Variants in CAMTA1 observed in about 807,000 individuals in gnomAD.
CAMTA1 encodes the protein calmodulin-binding transcription activator 1.
In CAMTA1, 27 loss-of-function variants were observed where a neutral mutation model predicts 170.9. That is an observed-to-expected ratio of 0.16 (90% CI 0.12 to 0.22). CAMTA1 has a LOEUF of 0.22. CAMTA1 is among the 10% of genes least tolerant of loss of function. CAMTA1 has a pLI of 1.00. For synonymous variants in CAMTA1, 833 were observed against 891.5 expected, an observed-to-expected ratio of 0.93 and a Z score of 1.17; for missense variants, 1,619 against 2,217.2, an observed-to-expected ratio of 0.73 and a Z score of 5.42.
At chr1:7,753,609 T>C (rs1021427312) in intron 21 of CAMTA1, among the ~76,000 whole-genome samples, 8 of 152,176 alleles carry the variant, frequency 5.3e-5, no homozygotes, top group African/African-American at 1.9e-4. Flanking sequence ...ACTTAATAGG[T>C]TTAATGGGTT....
intron 19 of CAMTA1, among the ~76,000 whole-genome samples, chr1:7,750,112 A>G (rs539922216): frequency 6.6e-6 from 1 of 152,162 alleles, no homozygotes; most frequent in Non-Finnish European, 1.5e-5. Flanking sequence ...CTGAGTGTGT[A>G]GTGTGCACAG....
chr1:7,454,577 C>A (rs1239537622), intron 5 of CAMTA1, among the ~76,000 whole-genome samples: 1 of 152,168 alleles, frequency 6.6e-6, no homozygotes, highest in Non-Finnish European at 1.5e-5. Context: ...CCACCAGGCA[C>A]CCCAGGCCCA....
At chr1:7,166,624 T>C (rs1308578637) in intron 4 of CAMTA1, among the ~76,000 whole-genome samples, 1 of 152,222 alleles carries the variant, frequency 6.6e-6, no homozygotes, top group African/African-American at 2.4e-5. Flanking sequence ...AATTGCCCAT[T>C]CTTTTCCTTG....
In CAMTA1 at chr1:7,007,279, T is replaced by C. The variant is rs1347765360; in HGVS notation, c.235-84025T>C. 1.3e-5 allele frequency among the ~76,000 whole-genome samples: 2 copies of C among 152,220 alleles called. No individual in the cohort carries two copies. The highest frequency in any genetic ancestry group is 2.1e-4 in the South Asian group (1 of 4,816). On this transcript the variant is annotated intron_variant, in intron 3 of 22. Transcript: ENST00000303635. This position sits in a 1 kb window ranked among gnomAD's most constrained non-coding sequence, Gnocchi z 4.5. The stretch of plus-strand genomic sequence containing the variant: ...AGCTTGGAGCGTGGAAGCACACATA[T>C]AATCATCACTTAACTAAAGCTGAGG...
chr1:6,833,641 A>G (rs901255396), intron 3 of CAMTA1, among the ~76,000 whole-genome samples: 2 of 152,220 alleles, frequency 1.3e-5, no homozygotes, highest in African/African-American at 4.8e-5. Context: ...TAAGTCTGTC[A>G]TTAAGCCTTG....
intron 3 of CAMTA1, among the ~76,000 whole-genome samples, chr1:6,929,359 TG>T (rs1352591610): frequency 2.0e-3 from 297 of 149,648 alleles, no homozygotes; most frequent in African/African-American, 6.5e-3. Context: ...TTTTTTTTTT[TG>T]TTTGTTTGTT....
intron 3 of CAMTA1, among the ~76,000 whole-genome samples, chr1:7,058,117 G>T (rs1162219429): frequency 6.6e-6 from 1 of 152,126 alleles, no homozygotes; most frequent in Non-Finnish European, 1.5e-5. Flanking sequence ...GATGGCTATG[G>T]CCCTGCCAGA....
intron 3 of CAMTA1, among the ~76,000 whole-genome samples, chr1:7,002,170 C>T (rs1050408604): frequency 5.3e-5 from 8 of 152,136 alleles, no homozygotes; most frequent in African/African-American, 1.9e-4. Context: ...GCTGAGATTA[C>T]AAGTGTTAGC....
At chr1:7,490,491 A>T (rs545148000) in intron 6 of CAMTA1, among the ~76,000 whole-genome samples, 344 of 152,310 alleles carry the variant, frequency 2.3e-3, no homozygotes, top group African/African-American at 8.0e-3. Flanking sequence ...GTCTCTACTA[A>T]AAATACAAAA....
chr1:7,086,101 C>T (rs1558075459), intron 3 of CAMTA1, among the ~76,000 whole-genome samples: 1 of 152,148 alleles, frequency 6.6e-6, no homozygotes, highest in East Asian at 1.9e-4. Flanking sequence ...AGCACATAGA[C>T]GCCATACCTT....
At chr1:6,945,643 GC>G (rs1687445205) in intron 3 of CAMTA1, among the ~76,000 whole-genome samples, 1 of 152,172 alleles carries the variant, frequency 6.6e-6, no homozygotes, top group African/African-American at 2.4e-5. Context: ...ACTGTACCCA[GC>G]CACCCTATGC....
rs572382557 is a variant in CAMTA1, at chr1:7,555,766, A to G, written c.511-84634A>G. On this transcript the variant is annotated intron_variant, in intron 6 of 22. Coordinates refer to ENST00000303635, the MANE Select transcript of CAMTA1 (RefSeq NM_015215.4). ...CCAAGCTCAAGCCCAGGAGTCATTC[A>G]TTCACCTCCTCTGTCACATTCCACC... is the stretch of plus-strand genomic sequence containing the variant. 8.9e-5 allele frequency among the ~76,000 whole-genome samples: 8 copies of G among 90,116 alleles called. 1 individual carries two copies. The Middle Eastern group carries it at 0.034, about 386-fold the overall frequency. The allele number at this position is 90,116 out of a possible 152,430, so 59.1% of individuals were successfully genotyped here. A position where few individuals can be genotyped will look rare whatever the true frequency, so the allele number is the denominator to read the frequency against.
chr1:7,333,496 G>A lies in CAMTA1; in HGVS notation c.438+83870G>A, dbSNP rs2083161131. ...TTGCACTGGGAGATTTCCCGGCAGA[G>A]GTCCTACATTTCGGCAGTGAGAAAT... On this transcript the variant is annotated intron_variant, in intron 5 of 22. Transcript: ENST00000303635. This position sits in a 1 kb window ranked among gnomAD's most constrained non-coding sequence, Gnocchi z 4.4. Among the ~76,000 whole-genome samples the A allele has an allele frequency of 6.6e-6, 1 of 152,204 alleles. No individual in the cohort carries two copies.
chr1:6,993,944 A>T (rs1252170413), intron 3 of CAMTA1, among the ~76,000 whole-genome samples: 1 of 152,136 alleles, frequency 6.6e-6, no homozygotes, highest in Non-Finnish European at 1.5e-5. Flanking sequence ...AATTGAATGT[A>T]TTAAAAATAA....
rs1219513751 is a variant in CAMTA1, at chr1:7,044,742, T to C, written c.235-46562T>C. Among the ~76,000 whole-genome samples the C allele has an allele frequency of 6.6e-6, 1 of 152,050 alleles. No homozygotes were observed. Among genetic ancestry groups the C allele is most frequent in the East Asian group, 1.9e-4 (1 of 5,182 alleles). ...TCTTCCCTTGCTTTGGGGAGGGAAC[T>C]TACCCTGCGTGCAGTCCTCCTGCCC... On this transcript the variant is annotated intron_variant, in intron 3 of 22. Coordinates refer to ENST00000303635, the MANE Select transcript of CAMTA1 (RefSeq NM_015215.4). This position sits in a 1 kb window ranked among gnomAD's most constrained non-coding sequence, Gnocchi z 5.0.
chr1:7,252,817 A>G (rs1169542496), intron 5 of CAMTA1, among the ~76,000 whole-genome samples: 2 of 152,156 alleles, frequency 1.3e-5, no homozygotes, highest in Non-Finnish European at 2.9e-5. Flanking sequence ...ACCGTTTAAT[A>G]TATCACTTGC....
At chr1:7,622,630 A>C (rs1401010295) in intron 6 of CAMTA1, among the ~76,000 whole-genome samples, 1 of 152,240 alleles carries the variant, frequency 6.6e-6, no homozygotes, top group Non-Finnish European at 1.5e-5. Flanking sequence ...CTTGGCCACC[A>C]GCATGAGCCT....
At chr1:7,390,333 C>T (rs1178188907) in intron 5 of CAMTA1, among the ~76,000 whole-genome samples, 2 of 152,236 alleles carry the variant, frequency 1.3e-5, no homozygotes, top group African/African-American at 4.8e-5. Flanking sequence ...TGTCCTCAGG[C>T]TCATTCCAGG....
chr1:6,966,186 C>T lies in CAMTA1; in HGVS notation c.235-125118C>T, dbSNP rs547441841. On this transcript the variant is annotated intron_variant, in intron 3 of 22. Transcript: ENST00000303635. ...CCCACTTTTTTAATTTTTAAAATTA[C>T]GATGTAATTAACATATCACGCAATT... 1.1e-4 allele frequency among the ~76,000 whole-genome samples: 17 copies of T among 152,280 alleles called. 1 individual carries two copies. The South Asian group carries it at 2.1e-3, about 19-fold the overall frequency.
Sources: allele counts gnomAD v4.1 joint callset (sites outside exome capture counted in the v4.1 genomes callset), GRCh38; gene constraint gnomAD v4.1.1; non-coding constraint Gnocchi (gnomAD v3.1); transcripts MANE v1.5; gene names NCBI Gene and HGNC (gene_info 2026-07-23, HGNC 2026-07-21).